Variants in SNTB1 observed in about 807,000 individuals in gnomAD.
SNTB1 encodes the protein syntrophin beta 1.
A neutral mutation model predicts 48.9 loss-of-function variants in SNTB1; 36 were observed. The observed-to-expected ratio is 0.74, with a 90% CI of 0.56 to 0.97. SNTB1 has a LOEUF of 0.97. SNTB1 is among the 50% of genes least tolerant of loss of function. The probability of loss-of-function intolerance (pLI) is 0.00; values close to 1 mark genes in which losing one functional copy is unlikely to be tolerated. For missense variants in SNTB1, 786 were observed against 703.4 expected (o/e 1.12, Z -1.33); for synonymous variants, 299 against 294.6 (o/e 1.01, Z -0.15).
At chr8:120,797,544 CTCT>C (rs1820140042) in intron 1 of SNTB1, among the ~76,000 whole-genome samples, 1 of 68,498 alleles carries the variant, frequency 1.5e-5, no homozygotes, top group African/African-American at 5.1e-5. Flanking sequence ...CAACTTGTTT[CTCT>C]TTTTTTTTTT....
At chr8:120,765,463 C>A (rs948806775) in intron 1 of SNTB1, among the ~76,000 whole-genome samples, 1 of 152,100 alleles carries the variant, frequency 6.6e-6, no homozygotes, top group African/African-American at 2.4e-5. Context: ...GTATATCACA[C>A]GCTGGGTGAC....
At chr8:120,595,567 AT>A (rs957333954) in intron 3 of SNTB1, among the ~76,000 whole-genome samples, 5 of 150,514 alleles carry the variant, frequency 3.3e-5, no homozygotes, top group Admixed American at 1.3e-4. Context: ...TGAAGTGGTC[AT>A]TTTTTTTTAT....
At chr8:120,730,926 C>T (rs770032779) in intron 1 of SNTB1, among the ~76,000 whole-genome samples, 4 of 151,790 alleles carry the variant, frequency 2.6e-5, no homozygotes, top group Admixed American at 6.6e-5. Flanking sequence ...TTGAGACTAC[C>T]GTGGCCAACA....
chr8:120,681,469 C>A (rs1817929683), intron 2 of SNTB1, among the ~76,000 whole-genome samples: 1 of 152,176 alleles, frequency 6.6e-6, no homozygotes, highest in Non-Finnish European at 1.5e-5. Context: ...CTTGGCTCTG[C>A]ACAACCTGCA....
intron 1 of SNTB1, among the ~76,000 whole-genome samples, chr8:120,755,618 C>T (rs1358358887): frequency 6.6e-6 from 1 of 152,042 alleles, no homozygotes; most frequent in Non-Finnish European, 1.5e-5. Flanking sequence ...AGTCTTCTGT[C>T]ACTAGAAAAC....
intron 4 of SNTB1, among the ~76,000 whole-genome samples, chr8:120,550,546 A>C (rs1563814822): frequency 6.6e-6 from 1 of 150,682 alleles, no homozygotes; most frequent in Non-Finnish European, 1.5e-5. Flanking sequence ...TGTCTTTAAA[A>C]AAAAAAAAAA....
At chr8:120,678,897 A>G (rs1817882743) in intron 2 of SNTB1, among the ~76,000 whole-genome samples, 1 of 152,110 alleles carries the variant, frequency 6.6e-6, no homozygotes, top group South Asian at 2.1e-4. Flanking sequence ...GCTTCCAATT[A>G]TGCATGGCCA....
At chr8:120,684,109 G>A (rs890598087) in intron 2 of SNTB1, among the ~76,000 whole-genome samples, 1 of 152,136 alleles carries the variant, frequency 6.6e-6, no homozygotes, top group East Asian at 1.9e-4. Flanking sequence ...GAGCCTCACA[G>A]TGCCTATTAT....
chr8:120,755,346 T>C (rs1819300515), intron 1 of SNTB1, among the ~76,000 whole-genome samples: 1 of 151,906 alleles, frequency 6.6e-6, no homozygotes, highest in African/African-American at 2.4e-5. Flanking sequence ...CAATAAATGG[T>C]AAGGGCCAAG....
At chr8:120,760,575 A>G (rs1819400872) in intron 1 of SNTB1, among the ~76,000 whole-genome samples, 1 of 152,172 alleles carries the variant, frequency 6.6e-6, no homozygotes, top group Admixed American at 6.6e-5. Context: ...TATGAGTTTT[A>G]CCTGCTGAAG....
intron 2 of SNTB1, among the ~76,000 whole-genome samples, chr8:120,690,319 G>A (rs949412971): frequency 6.6e-6 from 1 of 152,064 alleles, no homozygotes; most frequent in African/African-American, 2.4e-5. Context: ...TATGAATAAG[G>A]GGGGATTACT....
chr8:120,593,117 C>A (rs1816270571), intron 3 of SNTB1, among the ~76,000 whole-genome samples: 1 of 151,924 alleles, frequency 6.6e-6, no homozygotes, highest in Non-Finnish European at 1.5e-5. Flanking sequence ...TCTTCTCAAA[C>A]TTAAAAAAAA....
At chr8:120,751,085 T>A (rs1819206264) in intron 1 of SNTB1, among the ~76,000 whole-genome samples, 1 of 152,120 alleles carries the variant, frequency 6.6e-6, no homozygotes. Flanking sequence ...GAACAAGGTA[T>A]CAAGGAACAG....
intron 4 of SNTB1, among the ~76,000 whole-genome samples, chr8:120,559,711 A>G (rs146432955): frequency 6.6e-6 from 1 of 152,234 alleles, no homozygotes; most frequent in Non-Finnish European, 1.5e-5. Flanking sequence ...TTTTGCATTA[A>G]TTTAATTCTG....
intron 1 of SNTB1, among the ~76,000 whole-genome samples, chr8:120,747,294 T>G (rs939646658): frequency 5.3e-5 from 8 of 152,080 alleles, no homozygotes; most frequent in Non-Finnish European, 8.8e-5. Context: ...CTCACTTATT[T>G]ATTGATTTAT....
chr8:120,639,143 T>C (rs1455147389), intron 2 of SNTB1, among the ~76,000 whole-genome samples: 1 of 152,234 alleles, frequency 6.6e-6, no homozygotes, highest in African/African-American at 2.4e-5. Context: ...TGATGGCCAG[T>C]GATGATGAGC....
At chr8:120,688,612 T>A (rs1717578887) in intron 2 of SNTB1, among the ~76,000 whole-genome samples, 1 of 152,128 alleles carries the variant, frequency 6.6e-6, no homozygotes, top group African/African-American at 2.4e-5. Flanking sequence ...ACAGAAGGTA[T>A]AACAAGACAT....
rs1440593596 is a variant in SNTB1, at chr8:120,716,861, C to CA, written c.572-22954dup. 4.6e-5 allele frequency among the ~76,000 whole-genome samples: 7 copies of CA among 152,224 alleles called. No homozygotes were observed. The South Asian group carries it at 1.2e-3, about 27-fold the overall frequency. On this transcript the variant is annotated intron_variant, in intron 1 of 6. Transcript: ENST00000517992. ...ATCTGCAAAATAATTCACATGAGGGCAAAGGCTAAGACTAGAATCTTGGTC... is the reference window on the plus strand; with the variant it reads ...ATCTGCAAAATAATTCACATGAGGGCAAAAGGCTAAGACTAGAATCTTGGTC...
Position 120,586,703 on chromosome 8 carries a change from A to C in SNTB1, c.997-11478T>G, listed in dbSNP as rs1275619410. Among the ~76,000 whole-genome samples the C allele has an allele frequency of 1.3e-5, 2 of 152,194 alleles. 1 individual carries two copies. Among genetic ancestry groups the C allele is most frequent in the South Asian group, 4.1e-4 (2 of 4,830 alleles). Reference sequence around the variant, plus strand: ...AGGTTCTGGGGGTTAGGATGTGGACATCCTTGTGGGGAACATTATTCTGCC... The same window carrying C: ...AGGTTCTGGGGGTTAGGATGTGGACCTCCTTGTGGGGAACATTATTCTGCC... On this transcript the variant is annotated intron_variant, in intron 3 of 6. Transcript: ENST00000517992.
Sources: gnomAD v4.1 joint callset for allele counts (sites outside exome capture counted in the v4.1 genomes callset) on GRCh38, gnomAD v4.1.1 for gene constraint, MANE v1.5 for transcripts, NCBI Gene and HGNC (gene_info 2026-07-23, HGNC 2026-07-21) for gene names.